GTPBP1: variants seen among roughly 807,000 people sequenced by gnomAD.
The protein encoded by GTPBP1 is GTP binding protein 1, also known as GTP-binding protein 1.
Under a neutral mutation model 62.0 loss-of-function variants are expected in GTPBP1, and 23 were observed. That is an observed-to-expected ratio of 0.37 (90% CI 0.27 to 0.53). GTPBP1 has a LOEUF of 0.53. Ranked by LOEUF, GTPBP1 falls within the 20% of genes least tolerant of loss-of-function variation. The probability of loss-of-function intolerance (pLI) is 0.89; values close to 1 mark genes in which losing one functional copy is unlikely to be tolerated. For synonymous variants in GTPBP1, 344 were observed against 364.4 expected (o/e 0.94, Z 0.64); for missense variants, 640 against 917.3 (o/e 0.70, Z 3.90).
intron 10 of GTPBP1, 21 bp from the exon 11 acceptor site, chr22:38,729,441 C>T (rs1190163045): frequency 1.3e-6 from 2 of 1,568,824 alleles, no homozygotes; most frequent in African/African-American, 1.4e-5. Context: ...CAGCCTCAGC[C>T]TCTCTCCATG....
chr22:38,727,410 T>C lies in GTPBP1; in HGVS notation c.1537+62T>C. ...CGTGTTAGCTCCCCTCAGAAGGTGT[T>C]CCAGCAACCCAGGCCCCCTAGTTCC... is the stretch of plus-strand genomic sequence containing the variant. On this transcript the variant is annotated intron_variant, in intron 9 of 11. Coordinates refer to ENST00000216044, the MANE Select transcript of GTPBP1 (RefSeq NM_004286.5). This position sits in a 1 kb window ranked among gnomAD's most constrained non-coding sequence, Gnocchi z 6.5. 6.9e-7 allele frequency: 1 copy of C among 1,450,722 alleles called. No individual in the cohort carries two copies. The highest frequency in any genetic ancestry group is 9.2e-7 in the Non-Finnish European group (1 of 1,089,218). The allele number at this position is 1,450,722 out of a possible 1,614,324, so 89.9% of individuals were successfully genotyped here. A position where few individuals can be genotyped will look rare whatever the true frequency, so the allele number is the denominator to read the frequency against.
chr22:38,739,477 CCT>C (rs761452227), downstream of GTPBP1: 18 of 1,593,726 alleles, frequency 1.1e-5, no homozygotes, highest in East Asian at 4.5e-5. The surrounding 1 kb of genome is among the most constrained non-coding windows in gnomAD (Gnocchi z 6.7). Flanking sequence ...GACGTGTCCC[CCT>C]GTCACCTCGT....
downstream of GTPBP1, chr22:38,734,809 G>A (rs923316833): frequency 1.6e-5 from 3 of 185,124 alleles, no homozygotes; most frequent in Admixed American, 1.6e-4. Flanking sequence ...CAATAGTGCA[G>A]CATTTGTGAC....
At position 38,716,450 on chromosome 22, in the gene GTPBP1, G is replaced by A. The variant is rs528072134; in HGVS notation, c.486-202G>A. Among the ~76,000 whole-genome samples, 38 of 152,302 alleles carry A rather than the reference G, an allele frequency of 2.5e-4. 1 individual carries two copies. Among genetic ancestry groups the A allele is most frequent in the African/African-American group, 7.9e-4 (33 of 41,564 alleles). On this transcript the variant is annotated intron_variant, in intron 3 of 11. Coordinates refer to ENST00000216044, the MANE Select transcript of GTPBP1 (RefSeq NM_004286.5). The surrounding 1 kb of genome is among the most constrained non-coding windows in gnomAD (Gnocchi z 5.2). ...GAGTTAAGGGAGATAGCCGCTGTGG[G>A]AGTCTGGGCCCTTCTGATGACTCTA...
chr22:38,739,941 C>T (rs745348691), downstream of GTPBP1: 6 of 1,610,016 alleles, frequency 3.7e-6, no homozygotes, highest in African/African-American at 1.3e-5. The surrounding 1 kb of genome is among the most constrained non-coding windows in gnomAD (Gnocchi z 6.7). Context: ...ACTGAGATTC[C>T]ACCTATAGGA....
In GTPBP1 at chr22:38,729,487, C is replaced by T. The variant is rs1283781632; in HGVS notation, c.1742C>T (p.Pro581Leu). The change falls in exon 11 of 12, where the codon CCA (proline) becomes CTA (leucine). Residue 581 changes from proline (P) to leucine (L), a missense_variant. Pro to Leu is a moderately conservative substitution (Grantham distance 98). This residue lies in a region of GTPBP1 where 220 missense variants were observed against 358.1 expected (regional missense o/e 0.61). Transcript: ENST00000216044. ...CTCCTCCAGACCACCAACAACTCCC[C>T]AATGAACTCCAAGCCGCAGCAGATT... ...TKLLQTTNNSPMNSKPQQIKM... is the reference protein window; with the variant it reads ...TKLLQTTNNSLMNSKPQQIKM... 1 of 1,608,780 alleles carries T rather than the reference C, an allele frequency of 6.2e-7. No homozygotes were observed. The highest frequency in any genetic ancestry group is 1.3e-5 in the African/African-American group (1 of 74,550).
chr22:38,709,353 G>A lies in GTPBP1; in HGVS notation c.304+397G>A, dbSNP rs1029650194. Among the ~76,000 whole-genome samples, 16 of 152,026 alleles carry A rather than the reference G, an allele frequency of 1.1e-4. 1 individual carries two copies. The highest frequency in any genetic ancestry group is 3.9e-4 in the African/African-American group (16 of 41,372). On this transcript the variant is annotated intron_variant, in intron 2 of 11. Coordinates refer to ENST00000216044, the MANE Select transcript of GTPBP1 (RefSeq NM_004286.5). ...CCGCTTTTTGAACTTTTCTGCTTAT[G>A]TGTCTCAGTTACAGTGATTCTTTAG... is the stretch of plus-strand genomic sequence containing the variant.
In GTPBP1 at chr22:38,726,371, C is replaced by T; in HGVS notation, c.1332C>T (p.Ser444=). 1.2e-6 allele frequency: 2 copies of T among 1,614,062 alleles called. No individual in the cohort carries two copies. The highest frequency in any genetic ancestry group is 1.7e-4 in the Middle Eastern group (1 of 6,052). ...LGNFLSIAVK[S]IHRKRMPVKE... ...ACTTCCTGTCCATTGCTGTCAAATC[C>T]ATCCATCGCAAGCGCATGCCTGTCA... The change falls in exon 8 of 12, where the codon TCC becomes TCT. Residue 444 remains serine, a synonymous_variant. Transcript: ENST00000216044. The surrounding 1 kb of genome is among the most constrained non-coding windows in gnomAD (Gnocchi z 4.1).
downstream of GTPBP1, chr22:38,738,576 C>G: frequency 6.2e-7 from 1 of 1,611,054 alleles, no homozygotes; most frequent in Non-Finnish European, 8.5e-7. The surrounding 1 kb of genome is among the most constrained non-coding windows in gnomAD (Gnocchi z 6.6). Context: ...CACCACAGGA[C>G]AGATACTCAC....
rs1569278175 is a variant in GTPBP1 at position 38,715,992 on chromosome 22, T to C, written c.390T>C (p.Asp130=). ...VKSMAEQIEA[D]VILLRERQEA... is the part of the protein sequence containing the mutation. ...GCATGGCGGAACAGATAGAGGCCGATGTCATCCTTCTGCGGGAACGGCAAG... is the reference window on the plus strand; with the variant it reads ...GCATGGCGGAACAGATAGAGGCCGACGTCATCCTTCTGCGGGAACGGCAAG... The change falls in exon 3 of 12, where the codon GAT becomes GAC. Residue 130 remains aspartate (D), a synonymous_variant. Transcript: ENST00000216044. The C allele has an allele frequency of 6.2e-7, 1 of 1,614,100 alleles. No individual in the cohort carries two copies. The highest frequency in any genetic ancestry group is 1.3e-5 in the African/African-American group (1 of 75,002).
At chr22:38,721,990 A>G (rs73415498) in intron 5 of GTPBP1, 125 bp downstream of exon 5, 24,136 of 506,530 alleles carry the variant, frequency 0.048, 1,324 homozygotes, top group African/African-American at 0.17. Flanking sequence ...TTATTTTTTT[A>G]TTTTACAATA....
downstream of GTPBP1, chr22:38,739,764 G>A: frequency 1.2e-6 from 2 of 1,613,676 alleles, no homozygotes; most frequent in South Asian, 1.1e-5. This position sits in a 1 kb window ranked among gnomAD's most constrained non-coding sequence, Gnocchi z 6.7. Context: ...GCAGCGTCAG[G>A]CTCAGGGAGG....
At chr22:38,740,087 A>T, downstream of GTPBP1, 2 of 1,206,518 alleles carry the variant, frequency 1.7e-6, no homozygotes, top group Admixed American at 2.7e-5. This position sits in a 1 kb window ranked among gnomAD's most constrained non-coding sequence, Gnocchi z 4.8. Context: ...CTCCATGGGC[A>T]CTAACAAAAA....
At chr22:38,736,407 G>T (rs145130583), downstream of GTPBP1, 40 of 1,585,192 alleles carry the variant, frequency 2.5e-5, no homozygotes, top group East Asian at 9.1e-4. Context: ...GGGATTAAGA[G>T]CATCAGAGAC....
downstream of GTPBP1, chr22:38,742,552 C>T (rs747536298): frequency 9.3e-6 from 15 of 1,609,522 alleles, no homozygotes; most frequent in East Asian, 2.7e-4. Flanking sequence ...ACACGCTGCT[C>T]AGCCTGGAAG....
At chr22:38,723,029 A>G in intron 5 of GTPBP1, 1 of 803,498 alleles carries the variant, frequency 1.2e-6, no homozygotes, top group Non-Finnish European at 2.3e-6. Flanking sequence ...ATCTGACAAG[A>G]GTGGGATGTT....
At chr22:38,742,156 A>G (rs1045918809), downstream of GTPBP1, 7 of 1,123,762 alleles carry the variant, frequency 6.2e-6, no homozygotes, top group African/African-American at 6.3e-5. Context: ...AAGAAAAAAA[A>G]AAAAGAAAAA....
In GTPBP1 at chr22:38,727,303, G is replaced by A. The variant is rs759158653; in HGVS notation, c.1492G>A (p.Val498Ile). Residue 498 changes from valine to isoleucine, a missense_variant, in exon 9 of 12, where the codon GTC becomes ATC. Val to Ile is a conservative substitution (Grantham distance 29). Transcript: ENST00000216044. The surrounding 1 kb of genome is among the most constrained non-coding windows in gnomAD (Gnocchi z 6.5). The part of the protein sequence containing the change: ...ASWEFEAEIL[V>I]LHHPTTISPR... ...CTGGGAGTTTGAGGCCGAGATTCTC[G>A]TCCTCCACCACCCCACCACAATTAG... The A allele has an allele frequency of 3.1e-6, 5 of 1,597,734 alleles. No individual in the cohort carries two copies. Among genetic ancestry groups the A allele is most frequent in the African/African-American group, 1.4e-5 (1 of 74,000 alleles).
Position 38,730,507 on chromosome 22 carries a change from T to C in GTPBP1, c.1918-105T>C, listed in dbSNP as rs898522697. ...AGGCTAGGGTGAGGACCACGCAGCC[T>C]GCTCACGCATCTTCCGTCCCTGTCT... On this transcript the variant is annotated intron_variant, in intron 11 of 11. Coordinates refer to ENST00000216044, the MANE Select transcript of GTPBP1 (RefSeq NM_004286.5). This position sits in a 1 kb window ranked among gnomAD's most constrained non-coding sequence, Gnocchi z 5.6. The C allele has an allele frequency of 1.3e-6, 1 of 793,948 alleles. No individual in the cohort carries two copies. Among genetic ancestry groups the C allele is most frequent in the African/African-American group, 1.7e-5 (1 of 59,852 alleles). 49.2% of individuals were successfully genotyped at this position (793,948 alleles called of 1,614,324 possible). A position where few individuals can be genotyped will look rare whatever the true frequency, so the allele number is the denominator to read the frequency against.
Sources: gnomAD v4.1 joint callset for allele counts (sites outside exome capture counted in the v4.1 genomes callset) on GRCh38, gnomAD v4.1.1 for gene constraint, gnomAD v4.1.1 regional missense constraint, Gnocchi (gnomAD v3.1) non-coding constraint, MANE v1.5 for transcripts, NCBI Gene and HGNC (gene_info 2026-07-23, HGNC 2026-07-21) for gene names.